ARHGAP32: variants seen among roughly 807,000 people sequenced by gnomAD.
ARHGAP32 encodes the protein Rho GTPase activating protein 32, also known as rho GTPase-activating protein 32.
ARHGAP32 carries 51 observed loss-of-function variants against 186.5 expected under a neutral mutation model. The observed-to-expected ratio is 0.27, with a 90% CI of 0.22 to 0.35. ARHGAP32 has a LOEUF of 0.35. ARHGAP32 is among the 10% of genes least tolerant of loss of function. The pLI is 1.00. For synonymous variants in ARHGAP32, 950 were observed against 964.3 expected (o/e 0.99, Z 0.27); for missense variants, 2,186 against 2,623.5 (o/e 0.83, Z 3.64).
intron 9 of ARHGAP32, 94 bp from the exon 10 acceptor site, chr11:129,062,451 A>G: frequency 9.7e-7 from 1 of 1,027,604 alleles, no homozygotes; most frequent in South Asian, 1.4e-5. Context: ...ATGAAAAGGT[A>G]AAGTACTATT....
At chr11:129,127,927 A>T (rs1942701482) in intron 2 of ARHGAP32, among the ~76,000 whole-genome samples, 1 of 152,228 alleles carries the variant, frequency 6.6e-6, no homozygotes, top group Non-Finnish European at 1.5e-5. Context: ...AGCACGCACC[A>T]TTTACATTTA....
At chr11:129,103,652 A>G in intron 5 of ARHGAP32, among the ~76,000 whole-genome samples, 1 of 152,100 alleles carries the variant, frequency 6.6e-6, no homozygotes, top group East Asian at 1.9e-4. Context: ...ATAAAGAAAA[A>G]AACATACATG....
At chr11:129,059,901 C>T (rs999452168) in intron 10 of ARHGAP32, among the ~76,000 whole-genome samples, 1 of 152,180 alleles carries the variant, frequency 6.6e-6, no homozygotes, top group African/African-American at 2.4e-5. Flanking sequence ...CACACTCCAA[C>T]ATGATCCATG....
chr11:129,064,638 A>T (rs1378466449), intron 8 of ARHGAP32, among the ~76,000 whole-genome samples: 1 of 152,180 alleles, frequency 6.6e-6, no homozygotes, highest in Non-Finnish European at 1.5e-5. Flanking sequence ...AAATATATTA[A>T]GATTAGTTTC....
At chr11:128,996,970 G>A (rs1011925397) in intron 12 of ARHGAP32, among the ~76,000 whole-genome samples, 1 of 152,062 alleles carries the variant, frequency 6.6e-6, no homozygotes, top group African/African-American at 2.4e-5. Context: ...GTAGAGACCA[G>A]GTCTTGCCAT....
At chr11:129,196,181 C>T (rs145642417), upstream of ARHGAP32, among the ~76,000 whole-genome samples, 1 of 152,316 alleles carries the variant, frequency 6.6e-6, no homozygotes, top group African/African-American at 2.4e-5. Flanking sequence ...CGAAGAGAAA[C>T]ATTGTTAAAA....
At chr11:129,069,577 T>C (rs1157753901) in intron 6 of ARHGAP32, among the ~76,000 whole-genome samples, 2 of 152,028 alleles carry the variant, frequency 1.3e-5, no homozygotes, top group African/African-American at 4.8e-5. Flanking sequence ...TAATATATCT[T>C]TAGAGATCAA....
intron 1 of ARHGAP32, among the ~76,000 whole-genome samples, chr11:129,277,905 T>C (rs1193856553): frequency 2.6e-5 from 4 of 152,216 alleles, no homozygotes; most frequent in Non-Finnish European, 4.4e-5. Flanking sequence ...AAGGAACAAA[T>C]ATCGATTCTC....
At position 129,166,614 on chromosome 11, in the gene ARHGAP32, G is replaced by T. The variant is rs141851415; in HGVS notation, c.117-2187C>A. 5.0e-3 allele frequency among the ~76,000 whole-genome samples: 763 copies of T among 151,640 alleles called. 3 individuals carry two copies. The highest frequency in any genetic ancestry group is 7.9e-3 in the South Asian group (38 of 4,792). ...GAAATTAACCTTCAGTGTGCTAAAA[G>T]GAAAAAATATTTCCAACCTAGAATC... On this transcript the variant is annotated intron_variant, in intron 1 of 22. Transcript: ENST00000682385.
chr11:129,129,482 C>A (rs995167222), intron 2 of ARHGAP32, among the ~76,000 whole-genome samples: 1 of 152,118 alleles, frequency 6.6e-6, no homozygotes, highest in African/African-American at 2.4e-5. Context: ...CCGGCCGCCC[C>A]GTCTGGGAAG....
intron 2 of ARHGAP32, among the ~76,000 whole-genome samples, chr11:129,157,707 T>A (rs1943438349): frequency 6.6e-6 from 1 of 151,950 alleles, no homozygotes; most frequent in South Asian, 2.1e-4. Flanking sequence ...AGGCCAACAT[T>A]CAGATTCAGG....
At chr11:129,103,502 G>A (rs1477898699) in intron 5 of ARHGAP32, among the ~76,000 whole-genome samples, 1 of 152,030 alleles carries the variant, frequency 6.6e-6, no homozygotes, top group African/African-American at 2.4e-5. Context: ...GATACCAGAT[G>A]AGAACTTTCC....
intron 6 of ARHGAP32, among the ~76,000 whole-genome samples, chr11:129,070,669 C>A (rs1940839377): frequency 6.6e-6 from 1 of 152,016 alleles, no homozygotes; most frequent in East Asian, 1.9e-4. Flanking sequence ...TATTTCTGTT[C>A]TATTTTTATA....
intron 11 of ARHGAP32, among the ~76,000 whole-genome samples, chr11:129,004,754 G>A (rs1476796250): frequency 6.6e-6 from 1 of 152,070 alleles, no homozygotes; most frequent in Middle Eastern, 3.4e-3. Flanking sequence ...CAGTCTCTGT[G>A]TATCTTTATA....
intron 1 of ARHGAP32, among the ~76,000 whole-genome samples, chr11:129,238,197 AATTT>A (rs1944962836): frequency 6.6e-6 from 1 of 152,158 alleles, no homozygotes; most frequent in African/African-American, 2.4e-5. Context: ...AATATCATGG[AATTT>A]ATTTATAGTC....
intron 1 of ARHGAP32, among the ~76,000 whole-genome samples, chr11:129,227,619 T>A (rs1394343354): frequency 1.3e-5 from 2 of 151,874 alleles, no homozygotes; most frequent in African/African-American, 4.8e-5. Context: ...GAGATGAAAA[T>A]GGCTACACTA....
chr11:129,008,658 G>C (rs1346315231), intron 11 of ARHGAP32, among the ~76,000 whole-genome samples: 1 of 151,846 alleles, frequency 6.6e-6, no homozygotes, highest in African/African-American at 2.4e-5. Context: ...CAGATTAAAT[G>C]AAAAAAAATT....
chr11:129,212,035 G>A (rs1199973379), intron 1 of ARHGAP32, among the ~76,000 whole-genome samples: 1 of 152,092 alleles, frequency 6.6e-6, no homozygotes, highest in Non-Finnish European at 1.5e-5. Context: ...CATGCCTGCA[G>A]TCCCAGCTAC....
At chr11:129,116,294 A>AT (rs1464797369) in intron 5 of ARHGAP32, among the ~76,000 whole-genome samples, 1 of 152,012 alleles carries the variant, frequency 6.6e-6, no homozygotes, top group African/African-American at 2.4e-5. Context: ...CTATAGATAT[A>AT]TTTTTTCACA....
Sources: allele counts gnomAD v4.1 joint callset (sites outside exome capture counted in the v4.1 genomes callset), GRCh38; gene constraint gnomAD v4.1.1; transcripts MANE v1.5; gene names NCBI Gene and HGNC (gene_info 2026-07-23, HGNC 2026-07-21).